PALM2AKAP2: variants seen among roughly 807,000 people sequenced by gnomAD.
PALM2AKAP2 encodes PALM2-AKAP2 fusion protein.
A neutral mutation model predicts 71.5 loss-of-function variants in PALM2AKAP2; 37 were observed. The ratio of observed to expected loss-of-function variants is 0.52; its 90% CI spans 0.40 to 0.68. The LOEUF (loss-of-function observed/expected upper bound fraction) is 0.68. PALM2AKAP2 is among the 30% of genes least tolerant of loss of function. The pLI, the probability that PALM2AKAP2 is intolerant of heterozygous loss-of-function variation, is 0.00. For missense variants in PALM2AKAP2, 1,224 were observed against 1,191.8 expected (o/e 1.03, Z -0.40); for synonymous variants, 468 against 478.8 (o/e 0.98, Z 0.29).
intron 6 of PALM2AKAP2, among the ~76,000 whole-genome samples, chr9:109,938,188 G>A (rs1831276121): frequency 6.6e-6 from 1 of 152,130 alleles, no homozygotes; most frequent in South Asian, 2.1e-4. Context: ...GTATATTATT[G>A]GCTGAGAACT....
intron 6 of PALM2AKAP2, among the ~76,000 whole-genome samples, chr9:110,008,510 G>A (rs1832822559): frequency 6.6e-6 from 1 of 151,964 alleles, no homozygotes; most frequent in Non-Finnish European, 1.5e-5. Context: ...AACTTAAATG[G>A]CAGGATTGAT....
At chr9:109,888,081 CCTTT>C (rs1830007333) in intron 3 of PALM2AKAP2, among the ~76,000 whole-genome samples, 1 of 152,172 alleles carries the variant, frequency 6.6e-6, no homozygotes, top group Non-Finnish European at 1.5e-5. Context: ...GGGCTTGGCT[CCTTT>C]CTGTCTCTTT....
intron 6 of PALM2AKAP2, among the ~76,000 whole-genome samples, chr9:109,954,691 G>A (rs1001030435): frequency 6.1e-5 from 9 of 146,988 alleles, no homozygotes; most frequent in African/African-American, 2.0e-4. Context: ...AGAAGTTAAG[G>A]TTGCAAGATC....
At chr9:109,761,359 A>AT (rs1257118546) in intron 1 of PALM2AKAP2, among the ~76,000 whole-genome samples, 10 of 149,474 alleles carry the variant, frequency 6.7e-5, no homozygotes, top group Non-Finnish European at 9.0e-5. Context: ...CAAGGATAGA[A>AT]TTTTTTTTTC....
At chr9:110,115,450 C>T (rs1339613144) in intron 1 of PALM2AKAP2, among the ~76,000 whole-genome samples, 1 of 152,206 alleles carries the variant, frequency 6.6e-6, no homozygotes. Flanking sequence ...TGGCTCGAGT[C>T]TTCATTGCCC....
chr9:110,006,325 T>TCTCTCTTTCTTC, intron 6 of PALM2AKAP2, among the ~76,000 whole-genome samples: 2 of 5,154 alleles, frequency 3.9e-4, no homozygotes, highest in Non-Finnish European at 9.4e-4. Flanking sequence ...TCCTTCCTTC[T>TCTCTCTTTCTTC]CTTTCTTTCT....
chr9:109,877,189 A>G (rs967724026), intron 2 of PALM2AKAP2, among the ~76,000 whole-genome samples: 1 of 152,090 alleles, frequency 6.6e-6, no homozygotes, highest in Non-Finnish European at 1.5e-5. Flanking sequence ...GGTTTTTACT[A>G]TCTGTGGTTT....
At chr9:110,116,832 A>C (rs993516544) in intron 1 of PALM2AKAP2, among the ~76,000 whole-genome samples, 3 of 152,194 alleles carry the variant, frequency 2.0e-5, no homozygotes, top group Non-Finnish European at 4.4e-5. Context: ...TTACAGCCAG[A>C]AAGCAAAACC....
chr9:109,908,845 G>A (rs1298579103), intron 3 of PALM2AKAP2, among the ~76,000 whole-genome samples: 2 of 129,120 alleles, frequency 1.5e-5, no homozygotes, highest in East Asian at 5.3e-4. Flanking sequence ...CACAGAGGCC[G>A]ATGGGAAAAT....
chr9:109,948,655 T>C (rs1199118232), intron 6 of PALM2AKAP2, among the ~76,000 whole-genome samples: 1 of 152,186 alleles, frequency 6.6e-6, no homozygotes, highest in African/African-American at 2.4e-5. Context: ...CCTGGGGCTA[T>C]TTTTTGCAAG....
At position 109,925,199 on chromosome 9, in the gene PALM2AKAP2, A is replaced by T. The variant is rs184171263; in HGVS notation, c.394+117A>T. The T allele has an allele frequency of 4.2e-5, 64 of 1,514,660 alleles. No homozygotes were observed. The Admixed American group carries it at 1.1e-3, about 25-fold the overall frequency. The allele number at this position is 1,514,660 out of a possible 1,614,324, so 93.8% of individuals were successfully genotyped here. A position where few individuals can be genotyped will look rare whatever the true frequency, so the allele number is the denominator to read the frequency against. On this transcript the variant is annotated intron_variant, in intron 5 of 9. Transcript: ENST00000302798. ...TGTTGATTTGTAAAGGCATCAGAAG[A>T]AGTAGCAGCGCTGGTTGCAGGCCAC...
At chr9:109,975,240 G>T (rs1470796820) in intron 6 of PALM2AKAP2, among the ~76,000 whole-genome samples, 1 of 152,206 alleles carries the variant, frequency 6.6e-6, no homozygotes, top group Non-Finnish European at 1.5e-5. Context: ...AGCCAATGAT[G>T]TAATTCCAGT....
At chr9:110,121,801 C>T (rs925527946) in intron 1 of PALM2AKAP2, among the ~76,000 whole-genome samples, 1 of 152,230 alleles carries the variant, frequency 6.6e-6, no homozygotes, top group Non-Finnish European at 1.5e-5. Flanking sequence ...AAAAGTATCA[C>T]CTGGTTTCCA....
At chr9:110,002,618 C>G (rs1832701266) in intron 6 of PALM2AKAP2, among the ~76,000 whole-genome samples, 1 of 152,144 alleles carries the variant, frequency 6.6e-6, no homozygotes, top group East Asian at 1.9e-4. Context: ...ACTAGCTCCT[C>G]TTTGTACCTC....
intron 2 of PALM2AKAP2, among the ~76,000 whole-genome samples, chr9:109,867,797 A>G (rs1334892302): frequency 1.3e-5 from 2 of 152,166 alleles, no homozygotes; most frequent in Non-Finnish European, 2.9e-5. Context: ...GTGCATGTGG[A>G]CAGGGTGGAG....
rs113577734 is a variant in PALM2AKAP2, at chr9:110,106,696, T to A, written c.157-29431T>A. ...GCAGAGAATGCCAGCCAGCCATGAG[T>A]GGATTTGAGAGGTCTGAAGGACAAA... On this transcript the variant is annotated intron_variant, in intron 1 of 3. Coordinates refer to ENST00000374525, the Ensembl canonical transcript of PALM2AKAP2. Among the ~76,000 whole-genome samples, 1,077 of 152,130 alleles carry A rather than the reference T, an allele frequency of 7.1e-3. 14 individuals are homozygous for A. Among genetic ancestry groups the A allele is most frequent in the African/African-American group, 0.025 (1,038 of 41,482 alleles).
chr9:109,903,388 A>G (rs1002287501), intron 3 of PALM2AKAP2, among the ~76,000 whole-genome samples: 5 of 151,984 alleles, frequency 3.3e-5, no homozygotes, highest in African/African-American at 1.2e-4. Flanking sequence ...CAACCCATTT[A>G]TTAGGTGCCC....
At chr9:110,048,168 G>A (rs1833633646), upstream of PALM2AKAP2, among the ~76,000 whole-genome samples, 1 of 152,298 alleles carries the variant, frequency 6.6e-6, no homozygotes, top group Admixed American at 6.5e-5. Context: ...AACCAGTTCC[G>A]GGAGTCGCTC....
Position 110,021,171 on chromosome 9 carries a change from A to G in PALM2AKAP2, c.582+5132A>G, listed in dbSNP as rs373061952. ...ATTTACCAGATGGGCCCTAAATCCA[A>G]TGACACATGTCCTTATAAGAGACAA... is the stretch of plus-strand genomic sequence containing the variant. On this transcript the variant is annotated intron_variant, in intron 7 of 9. Transcript: ENST00000302798. 5.3e-5 allele frequency among the ~76,000 whole-genome samples: 8 copies of G among 152,208 alleles called. No individual in the cohort carries two copies. In the South Asian group the frequency reaches 6.2e-4, roughly 12 times the overall value.
Sources: gnomAD v4.1 joint callset for allele counts (sites outside exome capture counted in the v4.1 genomes callset) on GRCh38, gnomAD v4.1.1 for gene constraint, MANE v1.5 for transcripts, NCBI Gene and HGNC (gene_info 2026-07-23, HGNC 2026-07-21) for gene names.